Variants in BTBD1 observed in about 807,000 individuals in gnomAD.
BTBD1 encodes BTB/POZ domain-containing protein 1.
A neutral mutation model predicts 48.0 loss-of-function variants in BTBD1; 34 were observed. That is an observed-to-expected ratio of 0.71 (90% CI 0.54 to 0.94). BTBD1 has a LOEUF of 0.94. BTBD1 is among the 40% of genes least tolerant of loss of function. The pLI is 0.00. For missense variants in BTBD1, 543 were observed against 625.6 expected (o/e 0.87, Z 1.41); for synonymous variants, 261 against 242.1 (o/e 1.08, Z -0.72).
chr15:83,053,948 T>A (rs1274414589), intron 2 of BTBD1, among the ~76,000 whole-genome samples: 2 of 152,234 alleles, frequency 1.3e-5, no homozygotes, highest in Non-Finnish European at 2.9e-5. Flanking sequence ...TTCACAACTA[T>A]CGATTTTAGG....
At chr15:83,065,406 TTCTC>T (rs1052294067) in intron 1 of BTBD1, among the ~76,000 whole-genome samples, 3 of 152,246 alleles carry the variant, frequency 2.0e-5, no homozygotes, top group African/African-American at 7.2e-5. Context: ...TATTTTTTCT[TTCTC>T]TAAGTTATCT....
Position 83,066,807 on chromosome 15 carries a change from C to T in BTBD1, c.345G>A (p.Thr115=). 6.9e-7 allele frequency: 1 copy of T among 1,447,262 alleles called. No homozygotes were observed. Among genetic ancestry groups the T allele is most frequent in the Non-Finnish European group, 9.1e-7 (1 of 1,102,528 alleles). 89.7% of individuals were successfully genotyped at this position (1,447,262 alleles called of 1,614,324 possible). Residue 115 remains threonine, a synonymous_variant, in exon 1 of 8, where the codon ACG becomes ACA. Transcript: ENST00000261721. ...DAMFNGGMAT[T]SAEIELPDVE... ...CGTCCGGCAGCTCGATCTCGGCCGA[C>T]GTGGTGGCCATGCCGCCGTTGAACA... is the stretch of plus-strand genomic sequence containing the variant.
rs1278052622 is a variant in BTBD1 at position 83,017,856 on chromosome 15, T to C, written c.*211A>G. The C allele has an allele frequency of 6.9e-5, 22 of 319,510 alleles. No individual in the cohort carries two copies. Among genetic ancestry groups the C allele is most frequent in the Admixed American group, 4.9e-5 (1 of 20,518 alleles). 19.8% of individuals were successfully genotyped at this position (319,510 alleles called of 1,614,324 possible). ...CTTTTTTTTAAACCATTAAACCCAG[T>C]TCTTTTCTCTTAAAGTTGTAAGAAA... On this transcript the variant is annotated 3_prime_UTR_variant, in exon 8 of 8. Coordinates refer to ENST00000261721, the MANE Select transcript of BTBD1 (RefSeq NM_025238.4).
At chr15:83,051,873 T>TACACACACACACACACACACACACAC (rs766997533) in intron 2 of BTBD1, among the ~76,000 whole-genome samples, 2 of 23,686 alleles carry the variant, frequency 8.4e-5, no homozygotes, top group African/African-American at 3.6e-4. Context: ...TTTTTCCATA[T>TACACACACACACACACACACACACAC]ATATACACAC....
At chr15:83,038,797 C>A (rs1017530559) in intron 4 of BTBD1, among the ~76,000 whole-genome samples, 1 of 152,082 alleles carries the variant, frequency 6.6e-6, no homozygotes, top group Non-Finnish European at 1.5e-5. Context: ...TCCCTCTATT[C>A]AGTAAAGGGT....
In BTBD1 at chr15:83,065,520, G is replaced by A. The variant is rs2033251281; in HGVS notation, c.401+1231C>T. Among the ~76,000 whole-genome samples, 4 of 152,254 alleles carry A rather than the reference G, an allele frequency of 2.6e-5. No individual in the cohort carries two copies. In the Middle Eastern group the frequency reaches 0.014, roughly 518 times the overall value. On this transcript the variant is annotated intron_variant, in intron 1 of 7. Transcript: ENST00000261721. ...TTGTTCATCTTTCTGATTCAACTGT[G>A]AACCTTTGTATCTAATTCTGTCCCA...
Position 83,067,169 on chromosome 15 carries a change from G to T in BTBD1, c.-18C>A, listed in dbSNP as rs1221107536. The T allele has an allele frequency of 1.4e-6, 2 of 1,412,580 alleles. No individual in the cohort carries two copies. The highest frequency in any genetic ancestry group is 3.3e-5 in the Admixed American group (1 of 30,034). 87.5% of individuals were successfully genotyped at this position (1,412,580 alleles called of 1,614,324 possible). Reference sequence around the variant, plus strand: ...GAGGCCATCCTCCAGCTGCGCGGTTGCCCACGTTATGGACAAAACTCCGCC... The same window carrying T: ...GAGGCCATCCTCCAGCTGCGCGGTTTCCCACGTTATGGACAAAACTCCGCC... On this transcript the variant is annotated 5_prime_UTR_variant, in exon 1 of 8. Coordinates refer to ENST00000261721, the MANE Select transcript of BTBD1 (RefSeq NM_025238.4).
Position 83,032,194 on chromosome 15 carries a change from G to A in BTBD1, c.863-1866C>T, listed in dbSNP as rs183253919. Among the ~76,000 whole-genome samples, 8 of 152,078 alleles carry A rather than the reference G, an allele frequency of 5.3e-5. No individual in the cohort carries two copies. The South Asian group carries it at 6.2e-4, about 12-fold the overall frequency. On this transcript the variant is annotated intron_variant, in intron 4 of 7. Transcript: ENST00000261721. ...AAATTAGTTGGGTGCAGTGATGTGC[G>A]CCTGTAGTCCCAGCTACTCGGGAGG...
At chr15:83,042,374 ATATGTATG>A (rs1228715381) in intron 3 of BTBD1, among the ~76,000 whole-genome samples, 3,212 of 121,916 alleles carry the variant, frequency 0.026, 126 homozygotes, top group Middle Eastern at 0.085. Context: ...ATATATATAT[ATATGTATG>A]TATATATTTT....
chr15:83,066,444 A>G (rs1294214986), intron 1 of BTBD1, among the ~76,000 whole-genome samples: 1 of 152,206 alleles, frequency 6.6e-6, no homozygotes, highest in Non-Finnish European at 1.5e-5. Flanking sequence ...TATCCTTGCC[A>G]CTTGTCTAAT....
intron 5 of BTBD1, among the ~76,000 whole-genome samples, chr15:83,026,049 A>G (rs1035681033): frequency 6.6e-6 from 1 of 152,140 alleles, no homozygotes; most frequent in Non-Finnish European, 1.5e-5. Context: ...GATTACAGGC[A>G]TGAGCCACCA....
intron 3 of BTBD1, among the ~76,000 whole-genome samples, chr15:83,047,744 C>T (rs1384681901): frequency 6.6e-6 from 1 of 152,166 alleles, no homozygotes; most frequent in South Asian, 2.1e-4. Flanking sequence ...CTCCCTTGGT[C>T]TGTTATATGA....
chr15:83,034,480 G>T (rs941528099), intron 4 of BTBD1, among the ~76,000 whole-genome samples: 14 of 152,092 alleles, frequency 9.2e-5, no homozygotes, highest in African/African-American at 3.4e-4. Context: ...AGGGTGTGGT[G>T]GTGCACACAT....
chr15:83,030,353 A>G (rs1173412994), intron 4 of BTBD1, 25 bp from the exon 5 acceptor site: 3 of 1,563,882 alleles, frequency 1.9e-6, no homozygotes, highest in Non-Finnish European at 2.6e-6. Flanking sequence ...ACATAAGCCT[A>G]AAAAAAGGAA....
intron 1 of BTBD1, among the ~76,000 whole-genome samples, chr15:83,058,821 T>C (rs890590717): frequency 2.6e-5 from 4 of 152,078 alleles, no homozygotes; most frequent in African/African-American, 9.7e-5. Context: ...CATGGTTCTA[T>C]GAGAATCTAT....
At chr15:83,028,440 T>C (rs1347921266) in intron 5 of BTBD1, among the ~76,000 whole-genome samples, 2 of 152,210 alleles carry the variant, frequency 1.3e-5, no homozygotes, top group African/African-American at 4.8e-5. Context: ...ACAGATTCAA[T>C]ATCCTAATGT....
intron 4 of BTBD1, among the ~76,000 whole-genome samples, chr15:83,033,061 CT>C: frequency 6.6e-6 from 1 of 151,186 alleles, no homozygotes; most frequent in South Asian, 2.1e-4. Context: ...GAAAAATATC[CT>C]TCAAAAATGA....
At chr15:83,065,727 TG>T (rs2151316785) in intron 1 of BTBD1, among the ~76,000 whole-genome samples, 1 of 152,358 alleles carries the variant, frequency 6.6e-6, no homozygotes, top group African/African-American at 2.4e-5. Flanking sequence ...CAGTCCCATT[TG>T]TGAAATTGGG....
intron 4 of BTBD1, among the ~76,000 whole-genome samples, chr15:83,031,828 C>A (rs2032523005): frequency 6.6e-6 from 1 of 151,340 alleles, no homozygotes; most frequent in South Asian, 2.1e-4. Context: ...AGAAAAAATG[C>A]TCATCACTGA....
Sources: gnomAD v4.1 joint callset for allele counts (sites outside exome capture counted in the v4.1 genomes callset) on GRCh38, gnomAD v4.1.1 for gene constraint, MANE v1.5 for transcripts, NCBI Gene and HGNC (gene_info 2026-07-23, HGNC 2026-07-21) for gene names.